The following RALYL variants were observed in gnomAD, a reference collection of about 807,000 sequenced individuals.
RALYL encodes the protein RNA-binding Raly-like protein.
A neutral mutation model predicts 35.1 loss-of-function variants in RALYL; 29 were observed. That is an observed-to-expected ratio of 0.83 (90% CI 0.61 to 1.13). RALYL has a LOEUF of 1.13. Ranked by LOEUF, RALYL falls within the 50% of genes most tolerant of loss-of-function variation. The pLI is 0.00. For missense variants in RALYL, 359 were observed against 360.4 expected, an observed-to-expected ratio of 1.00 and a Z score of 0.03; for synonymous variants, 120 against 127.6, an observed-to-expected ratio of 0.94 and a Z score of 0.40.
chr8:84,418,397 G>A (rs1465099456), intron 1 of RALYL, among the ~76,000 whole-genome samples: 1 of 152,076 alleles, frequency 6.6e-6, no homozygotes, highest in Non-Finnish European at 1.5e-5. Context: ...ATGTTAGCTA[G>A]TATTACAAAT....
At chr8:84,298,953 T>A (rs994131066) in intron 1 of RALYL, among the ~76,000 whole-genome samples, 10 of 152,062 alleles carry the variant, frequency 6.6e-5, no homozygotes, top group Non-Finnish European at 1.5e-5. Flanking sequence ...ATCTAGGAGC[T>A]TTTGCGAAGA....
chr8:84,887,361 T>C (rs1177253792), intron 7 of RALYL, among the ~76,000 whole-genome samples: 2 of 152,210 alleles, frequency 1.3e-5, no homozygotes, highest in African/African-American at 4.8e-5. Flanking sequence ...ACTACTACCA[T>C]CTGGATTCCC....
intron 2 of RALYL, among the ~76,000 whole-genome samples, chr8:84,727,535 A>T (rs1845208133): frequency 6.6e-6 from 1 of 151,890 alleles, no homozygotes; most frequent in Admixed American, 6.6e-5. Flanking sequence ...GGTTAGTTAC[A>T]TATGTATACA....
chr8:84,769,833 C>A (rs1290093374), intron 2 of RALYL, among the ~76,000 whole-genome samples: 1 of 152,060 alleles, frequency 6.6e-6, no homozygotes, highest in Non-Finnish European at 1.5e-5. Flanking sequence ...TTCTTAAATT[C>A]CTTATTAGTT....
chr8:84,616,864 CTTGT>C lies in RALYL; in HGVS notation c.256+87290_256+87293del, dbSNP rs1482117667. 6.6e-5 allele frequency among the ~76,000 whole-genome samples: 10 copies of C among 151,566 alleles called. 1 individual carries two copies. The highest frequency in any genetic ancestry group is 4.1e-4 in the South Asian group (2 of 4,824). On this transcript the variant is annotated intron_variant, in intron 2 of 8. Coordinates refer to ENST00000521268, the MANE Select transcript of RALYL (RefSeq NM_173848.7). Reference sequence around the variant, plus strand: ...TAAGTAGGGAATCCTTTCCCCATTGCTTGTTTTTCTCAGGTTTGTCAAAGATCAG... The same window carrying C: ...TAAGTAGGGAATCCTTTCCCCATTGCTTTTCTCAGGTTTGTCAAAGATCAG...
intron 2 of RALYL, among the ~76,000 whole-genome samples, chr8:84,615,368 C>A (rs949703278): frequency 2.0e-5 from 3 of 150,262 alleles, no homozygotes; most frequent in African/African-American, 7.4e-5. Flanking sequence ...CGTCCTTATG[C>A]GTAGCATGGG....
intron 2 of RALYL, among the ~76,000 whole-genome samples, chr8:84,712,385 A>G (rs1842324016): frequency 6.6e-6 from 1 of 152,100 alleles, no homozygotes; most frequent in Admixed American, 6.6e-5. Context: ...CATATCCTTA[A>G]TCACAGGCTT....
intron 2 of RALYL, among the ~76,000 whole-genome samples, chr8:84,611,441 C>T (rs7828348): frequency 0.08 from 12,224 of 152,098 alleles, 1,250 homozygotes; most frequent in African/African-American, 0.24. Context: ...AAGAATTAAT[C>T]AGCCACTCTA....
At chr8:84,730,824 T>C (rs894307009) in intron 2 of RALYL, among the ~76,000 whole-genome samples, 5 of 151,926 alleles carry the variant, frequency 3.3e-5, no homozygotes, top group Non-Finnish European at 7.4e-5. Flanking sequence ...TTCATCATGG[T>C]AGAGGAATTA....
At chr8:84,548,021 TA>T (rs2060477469) in intron 2 of RALYL, among the ~76,000 whole-genome samples, 1 of 152,164 alleles carries the variant, frequency 6.6e-6, no homozygotes, top group Admixed American at 6.5e-5. Flanking sequence ...TTCTCCAGGT[TA>T]AAAATGTGTT....
At chr8:84,819,972 G>C (rs28655369) in intron 4 of RALYL, among the ~76,000 whole-genome samples, 8,793 of 151,930 alleles carry the variant, frequency 0.058, 853 homozygotes, top group African/African-American at 0.2. Flanking sequence ...ATATCATAGG[G>C]AACCCTGCCC....
chr8:84,539,878 G>GTATATA (rs371459024), intron 2 of RALYL, among the ~76,000 whole-genome samples: 2 of 75,206 alleles, frequency 2.7e-5, no homozygotes, highest in African/African-American at 1.1e-4. Context: ...ATATATATAT[G>GTATATA]TATATATATG....
intron 3 of RALYL, among the ~76,000 whole-genome samples, chr8:84,781,231 G>A (rs1818076264): frequency 6.6e-6 from 1 of 152,038 alleles, no homozygotes; most frequent in African/African-American, 2.4e-5. Context: ...AACTAAACAG[G>A]TTAATGTTTT....
intron 3 of RALYL, among the ~76,000 whole-genome samples, chr8:84,804,302 G>A (rs1021513398): frequency 5.3e-5 from 8 of 152,040 alleles, no homozygotes; most frequent in Non-Finnish European, 1.0e-4. Flanking sequence ...CACCCTAAGG[G>A]GTGTTAAGAC....
chr8:84,705,252 GC>G (rs1840989771), intron 2 of RALYL, among the ~76,000 whole-genome samples: 1 of 152,102 alleles, frequency 6.6e-6, no homozygotes, highest in Admixed American at 6.5e-5. Context: ...ATAGGGATAT[GC>G]CCCAACTACT....
chr8:84,830,586 A>G (rs1198864934), intron 4 of RALYL, among the ~76,000 whole-genome samples: 1 of 152,184 alleles, frequency 6.6e-6, no homozygotes, highest in African/African-American at 2.4e-5. Flanking sequence ...CAAGAAGGAA[A>G]TATAATCATT....
intron 1 of RALYL, among the ~76,000 whole-genome samples, chr8:84,493,361 T>G (rs34717884): frequency 0.37 from 55,960 of 151,714 alleles, 10,418 homozygotes; most frequent in South Asian, 0.51. Flanking sequence ...ATTGCGAATA[T>G]TGCTGCAATA....
At chr8:84,445,661 T>C (rs1309580106) in intron 1 of RALYL, among the ~76,000 whole-genome samples, 1 of 151,550 alleles carries the variant, frequency 6.6e-6, no homozygotes, top group South Asian at 2.1e-4. Context: ...AATAATGAAT[T>C]ATATTATAAC....
chr8:84,744,697 A>G (rs1159311978), intron 2 of RALYL, among the ~76,000 whole-genome samples: 1 of 151,996 alleles, frequency 6.6e-6, no homozygotes, highest in Non-Finnish European at 1.5e-5. Flanking sequence ...GAAGGTCATT[A>G]ACTGTGTTCC....
Sources: gnomAD v4.1 joint callset for allele counts (sites outside exome capture counted in the v4.1 genomes callset) on GRCh38, gnomAD v4.1.1 for gene constraint, MANE v1.5 for transcripts, NCBI Gene and HGNC (gene_info 2026-07-23, HGNC 2026-07-21) for gene names.